SMAP2: variants seen among roughly 807,000 people sequenced by gnomAD.
The protein encoded by SMAP2 is stromal membrane-associated protein 2.
SMAP2 carries 25 observed loss-of-function variants against 56.4 expected under a neutral mutation model. The ratio of observed to expected loss-of-function variants is 0.44; its 90% CI spans 0.32 to 0.62. The LOEUF (loss-of-function observed/expected upper bound fraction) is 0.62. SMAP2 is among the 20% of genes least tolerant of loss of function. SMAP2 has a pLI of 0.04. For synonymous variants in SMAP2, 157 were observed against 181.7 expected (o/e 0.86, Z 1.09); for missense variants, 388 against 545.6 (o/e 0.71, Z 2.88).
chr1:40,390,300 A>G (rs1644703856), intron 1 of SMAP2, among the ~76,000 whole-genome samples: 1 of 152,158 alleles, frequency 6.6e-6, no homozygotes, highest in Non-Finnish European at 1.5e-5. Context: ...CTGATTTTCC[A>G]TCTGTTTGCC....
At chr1:40,354,662 AT>A (rs970654598) in intron 1 of SMAP2, among the ~76,000 whole-genome samples, 46 of 150,690 alleles carry the variant, frequency 3.1e-4, no homozygotes, top group Non-Finnish European at 5.3e-4. Context: ...AGGTTAGTTA[AT>A]TTTTTTTAAA....
Position 40,354,765 on chromosome 1 carries a change from G to T in SMAP2, c.-82-7535G>T, listed in dbSNP as rs1186149174. Among the ~76,000 whole-genome samples the T allele has an allele frequency of 3.8e-4, 24 of 63,322 alleles. 1 individual carries two copies. The highest frequency in any genetic ancestry group is 2.5e-3 in the East Asian group (4 of 1,590). The allele number at this position is 63,322 out of a possible 152,430, so 41.5% of individuals were successfully genotyped here. ...GAGCAGTGAAATGAACCAAAACATT[G>T]AATTTTTTTTTTTTTTTTTTTTTTT... On this transcript the variant is annotated intron_variant, in intron 1 of 6. Coordinates refer to the SMAP2 transcript ENST00000435168.
At chr1:40,398,389 G>A (rs1471960139) in intron 1 of SMAP2, among the ~76,000 whole-genome samples, 3 of 146,154 alleles carry the variant, frequency 2.1e-5, no homozygotes, top group Non-Finnish European at 4.6e-5. Context: ...TCACCACACC[G>A]AGCTCATTTA....
chr1:40,375,557 C>A (rs995985073), intron 1 of SMAP2, among the ~76,000 whole-genome samples: 10 of 152,256 alleles, frequency 6.6e-5, no homozygotes, highest in African/African-American at 2.4e-4. Context: ...AAAACAAATT[C>A]CTAGACTTCT....
At chr1:40,421,899 G>A in intron 9 of SMAP2, 77 bp from the exon 10 acceptor site, 5 of 1,547,516 alleles carry the variant, frequency 3.2e-6, no homozygotes, top group Non-Finnish European at 4.5e-6. Flanking sequence ...GCAGAGAAAG[G>A]GACTCTCACC....
intron 1 of SMAP2, among the ~76,000 whole-genome samples, chr1:40,383,050 T>C (rs190963854): frequency 1.3e-5 from 2 of 152,346 alleles, no homozygotes; most frequent in African/African-American, 4.8e-5. Flanking sequence ...CAGAAGCCAC[T>C]GTTGGTCTTA....
chr1:40,352,205 C>T (rs1644411766), intron 1 of SMAP2, among the ~76,000 whole-genome samples: 1 of 151,838 alleles, frequency 6.6e-6, no homozygotes, highest in Non-Finnish European at 1.5e-5. Flanking sequence ...ATCTGTGGAC[C>T]CAGGATAAGA....
intron 7 of SMAP2, among the ~76,000 whole-genome samples, chr1:40,415,652 C>T (rs952080217): frequency 1.3e-5 from 2 of 152,188 alleles, no homozygotes; most frequent in Admixed American, 6.5e-5. Flanking sequence ...GCTAGCTCCT[C>T]GGCCTGAGTT....
At chr1:40,378,096 A>G (rs763231540) in intron 1 of SMAP2, among the ~76,000 whole-genome samples, 3 of 152,188 alleles carry the variant, frequency 2.0e-5, no homozygotes, top group Non-Finnish European at 4.4e-5. Context: ...TACAGATGCA[A>G]CCATTCATTT....
chr1:40,413,513 A>G (rs1644957848), intron 5 of SMAP2, among the ~76,000 whole-genome samples: 1 of 152,170 alleles, frequency 6.6e-6, no homozygotes, highest in South Asian at 2.1e-4. Context: ...ATTTTAAGTG[A>G]TCCCTTCTTA....
In SMAP2 at chr1:40,374,521, C is replaced by G; in HGVS notation, c.103+298C>G. 3 of 848,084 alleles carry G rather than the reference C, an allele frequency of 3.5e-6. No individual in the cohort carries two copies. Among genetic ancestry groups the G allele is most frequent in the Non-Finnish European group, 5.7e-6 (3 of 525,936 alleles). The allele number at this position is 848,084 out of a possible 1,614,324, so 52.5% of individuals were successfully genotyped here. A position where few individuals can be genotyped will look rare whatever the true frequency, so the allele number is the denominator to read the frequency against. On this transcript the variant is annotated intron_variant, in intron 1 of 9. Coordinates refer to ENST00000372718, the MANE Select transcript of SMAP2 (RefSeq NM_022733.3). The surrounding 1 kb of genome is among the most constrained non-coding windows in gnomAD (Gnocchi z 5.9). The stretch of plus-strand genomic sequence containing the variant: ...TGAGGGCTCTGAATGAGTTCTGGGC[C>G]GGCTGTCCAGAGAGAGCTCCCAGCA...
At chr1:40,373,133 A>G (rs768123678), upstream of SMAP2, among the ~76,000 whole-genome samples, 6 of 152,350 alleles carry the variant, frequency 3.9e-5, no homozygotes, top group Middle Eastern at 0.01. Flanking sequence ...GGAAGAAGAA[A>G]CAAACTGTCT....
intron 1 of SMAP2, among the ~76,000 whole-genome samples, chr1:40,395,398 A>G (rs546421830): frequency 2.7e-4 from 41 of 152,214 alleles, no homozygotes; most frequent in African/African-American, 9.4e-4. Flanking sequence ...TAATAAACCA[A>G]TGGCCAGGCC....
chr1:40,376,828 A>T (rs565959008), intron 1 of SMAP2, among the ~76,000 whole-genome samples: 1 of 152,336 alleles, frequency 6.6e-6, no homozygotes, highest in South Asian at 2.1e-4. Flanking sequence ...GTGATTGCTC[A>T]TCTATTAATA....
At chr1:40,376,696 A>C (rs1238961734) in intron 1 of SMAP2, among the ~76,000 whole-genome samples, 3 of 152,188 alleles carry the variant, frequency 2.0e-5, no homozygotes, top group Non-Finnish European at 2.9e-5. Flanking sequence ...TAAAAAATAC[A>C]TTTCATTGGA....
In SMAP2 at chr1:40,383,227, G is replaced by C. The variant is rs1644616223; in HGVS notation, c.103+9004G>C. Among the ~76,000 whole-genome samples the C allele has an allele frequency of 2.0e-5, 3 of 152,330 alleles. No homozygotes were observed. In the South Asian group the frequency reaches 6.2e-4, roughly 32 times the overall value. On this transcript the variant is annotated intron_variant, in intron 1 of 9. Transcript: ENST00000372718. ...TCACCAAGGGCTGGAAGTCCGAGTGGTCTGGTGTGAGCGGAAGCATGGAAA... is the reference window on the plus strand; with the variant it reads ...TCACCAAGGGCTGGAAGTCCGAGTGCTCTGGTGTGAGCGGAAGCATGGAAA...
chr1:40,397,151 C>G (rs1176092542), intron 1 of SMAP2, among the ~76,000 whole-genome samples: 1 of 152,082 alleles, frequency 6.6e-6, no homozygotes, highest in African/African-American at 2.4e-5. Context: ...TTGTTTGTTT[C>G]ATTTTACGTT....
rs1424246780 is a variant in SMAP2 at position 40,385,031 on chromosome 1, C to CTGCA, written c.103+10809_103+10812dup. Reference sequence around the variant, plus strand: ...GAATGCCGGTCCACTGATGGCTGAACTGCAGGTCTCTCCCCAGTGGAAAGC... The same window carrying CTGCA: ...GAATGCCGGTCCACTGATGGCTGAACTGCATGCAGGTCTCTCCCCAGTGGAAAGC... On this transcript the variant is annotated intron_variant, in intron 1 of 9. Transcript: ENST00000372718. The surrounding 1 kb of genome is among the most constrained non-coding windows in gnomAD (Gnocchi z 4.5). Among the ~76,000 whole-genome samples, 29 of 152,148 alleles carry CTGCA rather than the reference C, an allele frequency of 1.9e-4. No individual in the cohort carries two copies. The highest frequency in any genetic ancestry group is 1.9e-3 in the Admixed American group (29 of 15,282).
At chr1:40,418,642 T>C (rs189131340) in intron 9 of SMAP2, among the ~76,000 whole-genome samples, 47 of 152,272 alleles carry the variant, frequency 3.1e-4, no homozygotes, top group Non-Finnish European at 5.6e-4. Flanking sequence ...GGTCCAACCT[T>C]TTCCATACCT....
Sources: allele counts gnomAD v4.1 joint callset (sites outside exome capture counted in the v4.1 genomes callset), GRCh38; gene constraint gnomAD v4.1.1; non-coding constraint Gnocchi (gnomAD v3.1); transcripts MANE v1.5; gene names NCBI Gene and HGNC (gene_info 2026-07-23, HGNC 2026-07-21).